The following ARHGAP24 variants were observed in gnomAD, a reference collection of about 807,000 sequenced individuals.
ARHGAP24 encodes Rho GTPase activating protein 24.
ARHGAP24 carries 50 observed loss-of-function variants against 76.4 expected under a neutral mutation model. That is an observed-to-expected ratio of 0.65 (90% CI 0.52 to 0.83). The LOEUF is 0.83. Ranked by LOEUF, ARHGAP24 falls within the 40% of genes least tolerant of loss-of-function variation. The pLI, the probability that ARHGAP24 is intolerant of heterozygous loss-of-function variation, is 0.00. For missense variants in ARHGAP24, 930 were observed against 914.2 expected, an observed-to-expected ratio of 1.02 and a Z score of -0.22; for synonymous variants, 345 against 323.3, an observed-to-expected ratio of 1.07 and a Z score of -0.72.
intron 5 of ARHGAP24, among the ~76,000 whole-genome samples, chr4:85,953,268 GT>G (rs1737721291): frequency 6.6e-6 from 1 of 152,078 alleles, no homozygotes; most frequent in Non-Finnish European, 1.5e-5. Flanking sequence ...CACTTCCCTT[GT>G]TCCTCTTTCT....
intron 3 of ARHGAP24, among the ~76,000 whole-genome samples, chr4:85,834,449 A>G (rs901434678): frequency 1.3e-5 from 2 of 152,242 alleles, no homozygotes; most frequent in African/African-American, 2.4e-5. Flanking sequence ...TTGGTCAGAT[A>G]TATCTATAAT....
At chr4:85,673,654 C>A (rs924048597) in intron 2 of ARHGAP24, among the ~76,000 whole-genome samples, 3 of 146,658 alleles carry the variant, frequency 2.0e-5, no homozygotes, top group African/African-American at 7.4e-5. Flanking sequence ...AAGGGAAAGT[C>A]ATCCTCTCAA....
Position 85,944,935 on chromosome 4 carries a change from C to T in ARHGAP24, c.599+2662C>T, listed in dbSNP as rs538899274. ...CAATCTCGGCTCACCACAACCTCCA[C>T]CTCCTGGGTTCAAGCGATTCTCCTG... is the stretch of plus-strand genomic sequence containing the variant. On this transcript the variant is annotated intron_variant, in intron 5 of 9. Coordinates refer to ENST00000395184, the MANE Select transcript of ARHGAP24 (RefSeq NM_001025616.3). Among the ~76,000 whole-genome samples, 360 of 152,236 alleles carry T rather than the reference C, an allele frequency of 2.4e-3. 1 individual carries two copies. Among genetic ancestry groups the T allele is most frequent in the African/African-American group, 8.1e-3 (335 of 41,538 alleles).
chr4:85,713,263 A>G (rs1442124810), intron 2 of ARHGAP24, among the ~76,000 whole-genome samples: 1 of 152,166 alleles, frequency 6.6e-6, no homozygotes, highest in African/African-American at 2.4e-5. Flanking sequence ...CTGTGATTTC[A>G]CTACTGTACT....
rs1313287101 is a variant in ARHGAP24 at position 85,654,921 on chromosome 4, C to T, written c.181-66964C>T. ...TGGATATTAGAAAAATTTACATACA[C>T]TATAACTCTTACAAAGTAAGTAGTG... On this transcript the variant is annotated intron_variant, in intron 2 of 9. Coordinates refer to ENST00000395184, the MANE Select transcript of ARHGAP24 (RefSeq NM_001025616.3). Among the ~76,000 whole-genome samples, 7 of 152,324 alleles carry T rather than the reference C, an allele frequency of 4.6e-5. No individual in the cohort carries two copies. In the East Asian group the frequency reaches 1.2e-3, roughly 25 times the overall value.
At chr4:85,858,504 G>A (rs1731710734) in intron 3 of ARHGAP24, among the ~76,000 whole-genome samples, 1 of 152,126 alleles carries the variant, frequency 6.6e-6, no homozygotes, top group South Asian at 2.1e-4. Context: ...GCCTGAAAAT[G>A]AGTAAATGCT....
chr4:85,506,903 C>CT (rs1724078347), intron 1 of ARHGAP24, among the ~76,000 whole-genome samples: 1 of 150,976 alleles, frequency 6.6e-6, no homozygotes, highest in Non-Finnish European at 1.5e-5. Flanking sequence ...TTTTTTTTTC[C>CT]CCCCATGTGG....
At chr4:85,984,894 A>T (rs2148863099) in intron 8 of ARHGAP24, among the ~76,000 whole-genome samples, 1 of 152,174 alleles carries the variant, frequency 6.6e-6, no homozygotes, top group Middle Eastern at 3.4e-3. Flanking sequence ...GCAATCTCGG[A>T]CACAGCAACC....
At chr4:85,728,475 T>A (rs1353454121) in intron 3 of ARHGAP24, among the ~76,000 whole-genome samples, 1 of 152,184 alleles carries the variant, frequency 6.6e-6, no homozygotes, top group Non-Finnish European at 1.5e-5. Context: ...GTGCATAAAC[T>A]GTTATTTGTA....
chr4:85,895,000 GCAAAAAAAAAAAAAAAA>G (rs1175469398), intron 3 of ARHGAP24, among the ~76,000 whole-genome samples: 22,697 of 48,156 alleles, frequency 0.47, 2,842 homozygotes, highest in South Asian at 0.56. Flanking sequence ...AAAACAAAAA[GCAAAAAAAAAAAAAAAA>G]AAAAGAAAAG....
intron 5 of ARHGAP24, among the ~76,000 whole-genome samples, chr4:85,963,378 G>A (rs903303409): frequency 6.6e-5 from 10 of 152,034 alleles, no homozygotes; most frequent in Admixed American, 6.6e-4. Flanking sequence ...GACATACTGA[G>A]TCATTTTAAT....
intron 2 of ARHGAP24, among the ~76,000 whole-genome samples, chr4:85,704,584 G>T (rs1338218478): frequency 1.3e-5 from 2 of 152,176 alleles, no homozygotes; most frequent in African/African-American, 4.8e-5. Context: ...ATAAGACGAT[G>T]TGCTGTGACC....
At chr4:85,487,402 ATATATATTTAT>A (rs1337635881) in intron 1 of ARHGAP24, among the ~76,000 whole-genome samples, 1 of 112,086 alleles carries the variant, frequency 8.9e-6, no homozygotes, top group Non-Finnish European at 1.6e-5. Flanking sequence ...AAACATGTAA[ATATATATTTAT>A]TATATATTAT....
intron 2 of ARHGAP24, among the ~76,000 whole-genome samples, chr4:85,653,536 C>T (rs941541411): frequency 2.0e-5 from 3 of 152,080 alleles, no homozygotes; most frequent in African/African-American, 7.2e-5. Context: ...TGCAGTGTAG[C>T]GATCTCAGCT....
chr4:85,628,378 G>A (rs572619491), intron 2 of ARHGAP24, among the ~76,000 whole-genome samples: 4 of 152,216 alleles, frequency 2.6e-5, no homozygotes, highest in South Asian at 2.1e-4. Flanking sequence ...TCTTAAATTT[G>A]TTGTCTCAAT....
intron 2 of ARHGAP24, among the ~76,000 whole-genome samples, chr4:85,585,148 C>T (rs1428154378): frequency 1.3e-5 from 2 of 152,192 alleles, no homozygotes; most frequent in African/African-American, 2.4e-5. Flanking sequence ...CACTCTGATC[C>T]ATCAATGCCA....
chr4:85,551,163 G>C (rs1726121156), intron 1 of ARHGAP24, among the ~76,000 whole-genome samples: 1 of 152,198 alleles, frequency 6.6e-6, no homozygotes, highest in East Asian at 1.9e-4. Context: ...TTTGTTGTGG[G>C]TTTGTCATAG....
Position 86,000,999 on chromosome 4 carries a change from T to C in ARHGAP24, c.*277T>C. 1 of 514,768 alleles carries C rather than the reference T, an allele frequency of 1.9e-6. No homozygotes were observed. Among genetic ancestry groups the C allele is most frequent in the South Asian group, 3.0e-5 (1 of 33,584 alleles). 31.9% of individuals were successfully genotyped at this position (514,768 alleles called of 1,614,324 possible). On this transcript the variant is annotated 3_prime_UTR_variant, in exon 10 of 10. Transcript: ENST00000395184. Reference sequence around the variant, plus strand: ...TGAGAAGCATATTTCAAGAATTATTTTATTGCAAGTCTTGTATTTAAATGT... The same window carrying C: ...TGAGAAGCATATTTCAAGAATTATTCTATTGCAAGTCTTGTATTTAAATGT...
intron 1 of ARHGAP24, among the ~76,000 whole-genome samples, chr4:85,507,757 T>G (rs189020014): frequency 3.9e-5 from 6 of 152,212 alleles, no homozygotes; most frequent in Non-Finnish European, 8.8e-5. Flanking sequence ...AAGATTTCAT[T>G]ATTACTTGTA....
Sources: allele counts gnomAD v4.1 joint callset (sites outside exome capture counted in the v4.1 genomes callset), GRCh38; gene constraint gnomAD v4.1.1; transcripts MANE v1.5; gene names NCBI Gene and HGNC (gene_info 2026-07-23, HGNC 2026-07-21).